GARNL3: variants seen among roughly 807,000 people sequenced by gnomAD.
GARNL3 encodes the protein GTPase-activating Rap/Ran-GAP domain-like protein 3.
A neutral mutation model predicts 125.0 loss-of-function variants in GARNL3; 63 were observed. The observed-to-expected ratio is 0.50, with a 90% CI of 0.41 to 0.62. The LOEUF is 0.62. Ranked by LOEUF, GARNL3 falls within the 20% of genes least tolerant of loss-of-function variation. The probability of loss-of-function intolerance (pLI) is 0.00; values close to 1 mark genes in which losing one functional copy is unlikely to be tolerated. For synonymous variants in GARNL3, 439 were observed against 457.5 expected, an observed-to-expected ratio of 0.96 and a Z score of 0.52; for missense variants, 994 against 1,244.0, an observed-to-expected ratio of 0.80 and a Z score of 3.02.
intron 24 of GARNL3, among the ~76,000 whole-genome samples, chr9:127,386,623 G>A (rs1462473065): frequency 3.3e-5 from 5 of 152,156 alleles, no homozygotes; most frequent in Admixed American, 3.3e-4. Flanking sequence ...TGGATATTTA[G>A]GGCCTTTGTT....
At chr9:127,330,682 C>T (rs1829176955) in intron 7 of GARNL3, among the ~76,000 whole-genome samples, 1 of 151,886 alleles carries the variant, frequency 6.6e-6, no homozygotes, top group Non-Finnish European at 1.5e-5. Context: ...AGAATAACAG[C>T]AGGAAGGAGG....
intron 2 of GARNL3, among the ~76,000 whole-genome samples, chr9:127,250,525 T>C (rs188167126): frequency 6.6e-6 from 1 of 152,248 alleles, no homozygotes; most frequent in African/African-American, 2.4e-5. Context: ...TAAGTCTGAT[T>C]AGGGGCACAT....
At position 127,318,064 on chromosome 9, in the gene GARNL3, G is replaced by C. The variant is rs2065289944; in HGVS notation, c.440G>C (p.Gly147Ala). ...GATTTGATGTTTGGACTTTTCCAGG[G>C]TACCCAGAAAATATGCCTTCCCTAC... ...QYRAILWRKT[G>A]TQKICLPYSP... The change falls in exon 5 of 28, where the codon GGT becomes GCT. Residue 147 changes from glycine to alanine, a missense_variant and splice_region_variant. Transcript: ENST00000373387. 6.3e-7 allele frequency: 1 copy of C among 1,598,760 alleles called. No homozygotes were observed. The highest frequency in any genetic ancestry group is 8.6e-7 in the Non-Finnish European group (1 of 1,166,184).
intron 1 of GARNL3, among the ~76,000 whole-genome samples, chr9:127,234,551 A>G (rs532543838): frequency 3.3e-4 from 50 of 152,372 alleles, no homozygotes; most frequent in Admixed American, 2.3e-3. Flanking sequence ...GAGGACAGTA[A>G]GCAAGTATGA....
chr9:127,320,743 G>C lies in GARNL3; in HGVS notation c.532G>C (p.Gly178Arg). Reference sequence around the variant, plus strand: ...CATGAATCTGGACAAATTTGAGAAAGGCCCCAGGGAAATTTTTCATCCTGA... The same window carrying C: ...CATGAATCTGGACAAATTTGAGAAACGCCCCAGGGAAATTTTTCATCCTGA... ...SAMNLDKFEK[G>R]PREIFHPEIQ... The change falls in exon 6 of 28, where the codon GGC becomes CGC. Residue 178 changes from glycine (G) to arginine (R), a missense_variant. Physicochemically the swap from Gly to Arg is moderately radical, Grantham distance 125 (BLOSUM62 -2). Coordinates refer to ENST00000373387, the MANE Select transcript of GARNL3 (RefSeq NM_032293.5). The C allele has an allele frequency of 6.2e-7, 1 of 1,612,374 alleles. No homozygotes were observed. Among genetic ancestry groups the C allele is most frequent in the Non-Finnish European group, 8.5e-7 (1 of 1,178,544 alleles).
In GARNL3 at chr9:127,388,938, A is replaced by G; in HGVS notation, c.2562A>G (p.Pro854=). 1 of 1,612,558 alleles carries G rather than the reference A, an allele frequency of 6.2e-7. No individual in the cohort carries two copies. Among genetic ancestry groups the G allele is most frequent in the Non-Finnish European group, 8.5e-7 (1 of 1,178,526 alleles). ...EIQSKNLYKI[P]LRNLVGRSIE... is the part of the protein sequence containing the mutation. ...AATCAAAAAATCTGTACAAGATTCC[A>G]CTTAGAAACCTCGTGGGCAGAAGCA... Residue 854 remains proline (P), a synonymous_variant, in exon 26 of 28, where the codon CCA becomes CCG. Transcript: ENST00000373387.
intron 13 of GARNL3, 133 bp from the exon 14 acceptor site, chr9:127,342,086 A>G: frequency 1.5e-6 from 1 of 652,892 alleles, no homozygotes; most frequent in East Asian, 2.7e-5. Flanking sequence ...GGTACTAAGC[A>G]GAAAAAAAAC....
chr9:127,342,173 G>A (rs370935423), intron 13 of GARNL3, 46 bp from the exon 14 acceptor site: 6 of 1,095,650 alleles, frequency 5.5e-6, no homozygotes, highest in Non-Finnish European at 8.5e-6. Context: ...TTGTGTGTGT[G>A]TCAAGAGATA....
chr9:127,241,414 C>T (rs894744531), intron 1 of GARNL3, among the ~76,000 whole-genome samples: 1 of 152,090 alleles, frequency 6.6e-6, no homozygotes, highest in East Asian at 1.9e-4. Context: ...AGACTCAGGG[C>T]TCCTTTGGGT....
chr9:127,382,564 A>G (rs1832322748), intron 22 of GARNL3, among the ~76,000 whole-genome samples: 1 of 152,114 alleles, frequency 6.6e-6, no homozygotes, highest in Non-Finnish European at 1.5e-5. Context: ...GTCAGCTGTA[A>G]TCATGCCACT....
At chr9:127,309,543 A>G (rs1350753069) in intron 2 of GARNL3, among the ~76,000 whole-genome samples, 4 of 152,232 alleles carry the variant, frequency 2.6e-5, no homozygotes. Context: ...TAGATCTATC[A>G]CACAAATATG....
chr9:127,243,281 T>C, intron 2 of GARNL3: 1 of 1,361,418 alleles, frequency 7.3e-7, no homozygotes, highest in Non-Finnish European at 9.8e-7. Context: ...CATCTCAGTT[T>C]GGGTTTATGT....
chr9:127,324,557 C>T (rs1176123369), intron 6 of GARNL3, among the ~76,000 whole-genome samples: 3 of 152,168 alleles, frequency 2.0e-5, no homozygotes, highest in Admixed American at 6.5e-5. Flanking sequence ...CTTTGGTGTC[C>T]GCTTATCAAC....
rs1336381967 is a variant in GARNL3 at position 127,364,562 on chromosome 9, G to A, written c.2095-738G>A. The A allele has an allele frequency of 6.6e-6, 1 of 152,354 alleles. No homozygotes were observed. The highest frequency in any genetic ancestry group is 6.5e-5 in the Admixed American group (1 of 15,276). 9.4% of individuals were successfully genotyped at this position (152,354 alleles called of 1,614,324 possible). ...TCAAGAAGGACCAAGGACACCATCA[G>A]GTTGAGTGCCCTCCTCTCAAATGCA... On this transcript the variant is annotated intron_variant, in intron 21 of 27. Transcript: ENST00000373387. This position sits in a 1 kb window ranked among gnomAD's most constrained non-coding sequence, Gnocchi z 4.2.
intron 11 of GARNL3, among the ~76,000 whole-genome samples, chr9:127,337,774 C>G (rs1216697721): frequency 2.0e-5 from 3 of 152,218 alleles, no homozygotes; most frequent in African/African-American, 7.2e-5. Context: ...CTATTGGGAT[C>G]TTGTTTGTAC....
intron 26 of GARNL3, 63 bp from the exon 27 acceptor site, chr9:127,390,578 G>A: frequency 6.6e-7 from 1 of 1,526,538 alleles, no homozygotes; most frequent in Non-Finnish European, 8.9e-7. Flanking sequence ...AAAAATAAGG[G>A]TCTTTTCTGT....
intron 1 of GARNL3, among the ~76,000 whole-genome samples, chr9:127,230,886 T>G (rs1236481908): frequency 6.6e-6 from 1 of 150,990 alleles, no homozygotes; most frequent in East Asian, 1.9e-4. Flanking sequence ...AACAAAACTT[T>G]TAGGGGTGTT....
chr9:127,278,137 G>T (rs2064005334), intron 1 of GARNL3, among the ~76,000 whole-genome samples: 1 of 152,102 alleles, frequency 6.6e-6, no homozygotes, highest in Non-Finnish European at 1.5e-5. Flanking sequence ...GATTATGAAA[G>T]GAATACATAG....
At chr9:127,240,276 A>G (rs1310838181) in intron 1 of GARNL3, among the ~76,000 whole-genome samples, 2 of 152,220 alleles carry the variant, frequency 1.3e-5, no homozygotes, top group African/African-American at 4.8e-5. Context: ...AGGTGCCCTC[A>G]GGTCCCTTTA....
Sources: allele counts gnomAD v4.1 joint callset (sites outside exome capture counted in the v4.1 genomes callset), GRCh38; gene constraint gnomAD v4.1.1; non-coding constraint Gnocchi (gnomAD v3.1); transcripts MANE v1.5; gene names NCBI Gene and HGNC (gene_info 2026-07-23, HGNC 2026-07-21).